APTX: variants seen among roughly 807,000 people sequenced by gnomAD.
The protein encoded by APTX is aprataxin, also known as forkhead-associated domain histidine triad-like protein.
A neutral mutation model predicts 42.3 loss-of-function variants in APTX; 33 were observed. The ratio of observed to expected loss-of-function variants is 0.78; its 90% CI spans 0.59 to 1.04. The LOEUF (loss-of-function observed/expected upper bound fraction) is 1.04. Among genes scored for constraint, APTX ranks in the 50% least tolerant of loss-of-function variants. The pLI, the probability that APTX is intolerant of heterozygous loss-of-function variation, is 0.00. For synonymous variants in APTX, 130 were observed against 146.7 expected (o/e 0.89, Z 0.82); for missense variants, 421 against 415.1 (o/e 1.01, Z -0.12).
At chr9:32,985,326 G>GTTTTTT (rs5897530) in intron 5 of APTX, among the ~76,000 whole-genome samples, 12 of 103,074 alleles carry the variant, frequency 1.2e-4, no homozygotes, top group African/African-American at 1.8e-4. Flanking sequence ...GATGATGCCT[G>GTTTTTT]TTTTTTTTTT....
chr9:33,023,645 T>G (rs529422404), intron 1 of APTX, among the ~76,000 whole-genome samples: 12 of 152,302 alleles, frequency 7.9e-5, no homozygotes, highest in African/African-American at 2.2e-4. Flanking sequence ...AGGCAACACC[T>G]AAGATTGAAA....
At chr9:32,990,321 C>T (rs551009986) in intron 1 of APTX, among the ~76,000 whole-genome samples, 37 of 152,034 alleles carry the variant, frequency 2.4e-4, no homozygotes, top group African/African-American at 8.0e-4. Flanking sequence ...TACAGGCACC[C>T]GCCACCACAC....
At chr9:33,001,726 A>C, upstream of APTX, 1 of 1,349,122 alleles carries the variant, frequency 7.4e-7, no homozygotes, top group Non-Finnish European at 1.0e-6. Flanking sequence ...TTCCCAGATC[A>C]AAAAGCGTCC....
intron 1 of APTX, among the ~76,000 whole-genome samples, chr9:33,011,759 AG>A (rs1443608233): frequency 1.3e-5 from 2 of 152,216 alleles, no homozygotes; most frequent in East Asian, 3.8e-4. Context: ...AGCCAGACAC[AG>A]CCCTTCCCCT....
chr9:33,020,983 G>C (rs982285353), intron 1 of APTX, among the ~76,000 whole-genome samples: 10 of 152,152 alleles, frequency 6.6e-5, no homozygotes, highest in African/African-American at 2.2e-4. Flanking sequence ...TACAAAATTA[G>C]CCAGGCGTGG....
chr9:32,996,401 G>C (rs1056983496), intron 1 of APTX, among the ~76,000 whole-genome samples: 1 of 151,904 alleles, frequency 6.6e-6, no homozygotes, highest in Non-Finnish European at 1.5e-5. Context: ...TCAGCCTCTG[G>C]AGTAGCTGGG....
rs755287622 is a variant in APTX, at chr9:32,987,800, T to A, written c.227A>T (p.Asp76Val). The A allele has an allele frequency of 1.9e-6, 3 of 1,614,052 alleles. No individual in the cohort carries two copies. Among genetic ancestry groups the A allele is most frequent in the Non-Finnish European group, 2.5e-6 (3 of 1,180,032 alleles). Reference sequence around the variant, plus strand: ...GCCAGGCTGCAGCTTCACCTCTTGGTCCTTCCCAATTACGACTGAGTCAAT... The same window carrying A: ...GCCAGGCTGCAGCTTCACCTCTTGGACCTTCCCAATTACGACTGAGTCAAT... ...TSIDSVVIGK[D>V]QEVKLQPGQV... The change falls in exon 4 of 8, where the codon GAC (aspartate) becomes GTC (valine). Residue 76 changes from aspartate (D) to valine (V), a missense_variant. Transcript: ENST00000379817.
At chr9:32,980,833 G>T (rs559578248) in intron 6 of APTX, among the ~76,000 whole-genome samples, 2 of 152,202 alleles carry the variant, frequency 1.3e-5, no homozygotes, top group East Asian at 3.9e-4. Context: ...CAGGTTTGGG[G>T]AAGAAAATCA....
At chr9:32,990,375 G>T (rs993439290) in intron 1 of APTX, among the ~76,000 whole-genome samples, 6 of 152,014 alleles carry the variant, frequency 3.9e-5, no homozygotes, top group Non-Finnish European at 8.8e-5. Context: ...GTTTCACCAT[G>T]TTGGCCAGGC....
At chr9:32,989,518 A>G in intron 2 of APTX, 1 of 643,238 alleles carries the variant, frequency 1.6e-6, no homozygotes, top group Non-Finnish European at 2.9e-6. Context: ...CCACCATCCC[A>G]TGGTAACAGT....
chr9:33,022,288 T>C (rs1421830275), intron 1 of APTX, among the ~76,000 whole-genome samples: 2 of 152,192 alleles, frequency 1.3e-5, no homozygotes, highest in Non-Finnish European at 1.5e-5. Flanking sequence ...TATGAACAGT[T>C]GACAGGAGAG....
rs554600458 is a variant in APTX at position 32,980,862 on chromosome 9, T to G, written c.770+3769A>C. On this transcript the variant is annotated intron_variant, in intron 6 of 7. Coordinates refer to ENST00000379817, the MANE Select transcript of APTX (RefSeq NM_001195248.2). Reference sequence around the variant, plus strand: ...AAAATCAGGAATTCTCTTTTGGACTTGTTAAACCAAGTAGAATGCCTTTTT... The same window carrying G: ...AAAATCAGGAATTCTCTTTTGGACTGGTTAAACCAAGTAGAATGCCTTTTT... 1.2e-4 allele frequency among the ~76,000 whole-genome samples: 18 copies of G among 152,352 alleles called. No homozygotes were observed. In the South Asian group the frequency reaches 3.7e-3, roughly 32 times the overall value.
At chr9:33,017,502 A>ATG (rs1837982708) in intron 1 of APTX, among the ~76,000 whole-genome samples, 1 of 132,686 alleles carries the variant, frequency 7.5e-6, no homozygotes. Context: ...CACTAATCCC[A>ATG]TGACGTAGTC....
At chr9:32,986,055 C>CAAA (rs748400752) in intron 4 of APTX, 25 bp from the exon 5 acceptor site, 58 of 522,662 alleles carry the variant, frequency 1.1e-4, no homozygotes, top group Admixed American at 2.4e-4. Flanking sequence ...AAAAAAAAAA[C>CAAA]AAAAAAAAAA....
intron 4 of APTX, 95 bp downstream of exon 4, chr9:32,987,448 CT>C (rs1327660021): frequency 2.7e-6 from 4 of 1,491,572 alleles, no homozygotes; most frequent in Non-Finnish European, 3.7e-6. Flanking sequence ...TTAATAACCC[CT>C]CACGCATTTC....
At chr9:33,023,063 A>G (rs1289485053) in intron 1 of APTX, among the ~76,000 whole-genome samples, 1 of 152,140 alleles carries the variant, frequency 6.6e-6, no homozygotes, top group Non-Finnish European at 1.5e-5. Flanking sequence ...TCCGGGACTC[A>G]AGGGATCCGC....
At chr9:33,001,110 G>A (rs1003150688) in intron 1 of APTX, among the ~76,000 whole-genome samples, 6 of 152,058 alleles carry the variant, frequency 3.9e-5, no homozygotes, top group Non-Finnish European at 8.8e-5. Flanking sequence ...GCCTCCCAAA[G>A]TGCTGGGATT....
intron 1 of APTX, among the ~76,000 whole-genome samples, chr9:33,016,585 C>T (rs1018987001): frequency 1.3e-5 from 2 of 152,008 alleles, no homozygotes; most frequent in Non-Finnish European, 2.9e-5. Context: ...CAGGCTGGAG[C>T]TTTAAAGACA....
intron 1 of APTX, among the ~76,000 whole-genome samples, chr9:33,015,213 A>G (rs372998546): frequency 1.3e-5 from 2 of 152,232 alleles, no homozygotes; most frequent in Admixed American, 6.5e-5. Context: ...ATTGCCTTCA[A>G]TGTTTATAAT....
Sources: allele counts gnomAD v4.1 joint callset (sites outside exome capture counted in the v4.1 genomes callset), GRCh38; gene constraint gnomAD v4.1.1; transcripts MANE v1.5; gene names NCBI Gene and HGNC (gene_info 2026-07-23, HGNC 2026-07-21).